The following TMEM229B variants were observed in gnomAD, a reference collection of about 807,000 sequenced individuals.
TMEM229B encodes transmembrane protein 229B.
A neutral mutation model predicts 13.7 loss-of-function variants in TMEM229B; 6 were observed. That is an observed-to-expected ratio of 0.44 (90% CI 0.24 to 0.86). TMEM229B has a LOEUF of 0.86. TMEM229B is among the 40% of genes least tolerant of loss of function. TMEM229B has a pLI of 0.23. For synonymous variants in TMEM229B, 107 were observed against 102.1 expected (o/e 1.05, Z -0.29); for missense variants, 170 against 236.0 (o/e 0.72, Z 1.83).
At chr14:67,483,505 AAGG>A (rs1427949545) in intron 2 of TMEM229B, among the ~76,000 whole-genome samples, 1 of 152,218 alleles carries the variant, frequency 6.6e-6, no homozygotes, top group Non-Finnish European at 1.5e-5. Context: ...AACAGGAAGC[AAGG>A]AGAAGGTTGT....
At position 67,473,195 on chromosome 14, in the gene TMEM229B, AC is replaced by A. The variant is rs1224458096; in HGVS notation, c.*224del. On this transcript the variant is annotated 3_prime_UTR_variant, in exon 3 of 3. Transcript: ENST00000554480. This position sits in a 1 kb window ranked among gnomAD's most constrained non-coding sequence, Gnocchi z 6.5. Reference sequence around the variant, plus strand: ...CCCTGAACTGGGCCGCGATCCATGGACCCTTCCCAATGTCCCTCTGCTGCCT... The same window carrying A: ...CCCTGAACTGGGCCGCGATCCATGGACCTTCCCAATGTCCCTCTGCTGCCT... 3.4e-6 allele frequency: 2 copies of A among 595,200 alleles called. No individual in the cohort carries two copies. The highest frequency in any genetic ancestry group is 5.8e-6 in the Non-Finnish European group (2 of 343,558). 36.9% of individuals were successfully genotyped at this position (595,200 alleles called of 1,614,324 possible). A position where few individuals can be genotyped will look rare whatever the true frequency, so the allele number is the denominator to read the frequency against.
chr14:67,496,409 T>G (rs890787893), intron 1 of TMEM229B, among the ~76,000 whole-genome samples: 1 of 133,084 alleles, frequency 7.5e-6, no homozygotes, highest in African/African-American at 2.7e-5. Context: ...TTTTTTTTTT[T>G]TTTTTTTTTT....
intron 1 of TMEM229B, among the ~76,000 whole-genome samples, chr14:67,508,767 A>AAAAAAAC (rs1260678496): frequency 6.6e-6 from 1 of 150,882 alleles, no homozygotes; most frequent in African/African-American, 2.4e-5. Flanking sequence ...AAAAAAAAAA[A>AAAAAAAC]AAAACAGAAG....
chr14:67,513,608 C>T (rs998235978), intron 1 of TMEM229B, among the ~76,000 whole-genome samples: 4 of 152,184 alleles, frequency 2.6e-5, no homozygotes, highest in Admixed American at 1.3e-4. Flanking sequence ...TCAGCACACC[C>T]CTGAGCAAAG....
chr14:67,516,294 C>T (rs1458425529), upstream of TMEM229B, among the ~76,000 whole-genome samples: 4 of 152,148 alleles, frequency 2.6e-5, no homozygotes, highest in Non-Finnish European at 2.9e-5. Flanking sequence ...CCTTTTGTCA[C>T]TAACCCATCC....
chr14:67,478,972 A>G lies in TMEM229B; in HGVS notation c.-18-5031T>C, dbSNP rs536601566. On this transcript the variant is annotated intron_variant, in intron 2 of 2. Coordinates refer to ENST00000554480, the MANE Select transcript of TMEM229B (RefSeq NM_001348543.2). ...ACTCCGATTCTGCAAAGGCATGCATATGTGCACATATACAAAAAAATTAAA... is the reference window on the plus strand; with the variant it reads ...ACTCCGATTCTGCAAAGGCATGCATGTGTGCACATATACAAAAAAATTAAA... Among the ~76,000 whole-genome samples the G allele has an allele frequency of 5.3e-5, 8 of 152,328 alleles. No individual in the cohort carries two copies. In the South Asian group the frequency reaches 1.7e-3, roughly 32 times the overall value.
intron 1 of TMEM229B, among the ~76,000 whole-genome samples, chr14:67,512,517 A>T (rs571169581): frequency 2.8e-4 from 43 of 152,210 alleles, no homozygotes; most frequent in Non-Finnish European, 5.3e-4. Context: ...CCTTGTCTGT[A>T]TATGGGAGGT....
intron 1 of TMEM229B, among the ~76,000 whole-genome samples, chr14:67,512,709 A>G (rs2033068807): frequency 6.6e-6 from 1 of 152,108 alleles, no homozygotes; most frequent in Non-Finnish European, 1.5e-5. Flanking sequence ...CAGAGTCCCC[A>G]ACATCATCGG....
chr14:67,532,534 A>G (rs2140291179), intron 1 of TMEM229B, among the ~76,000 whole-genome samples: 1 of 152,236 alleles, frequency 6.6e-6, no homozygotes, highest in Non-Finnish European at 1.5e-5. Flanking sequence ...GGGCACGCTG[A>G]TGACTGCCCT....
In TMEM229B at chr14:67,531,949, T is replaced by G. The variant is rs985495130; in HGVS notation, c.-192+1687A>C. Reference sequence around the variant, plus strand: ...AAAAAAAAGTGAATGAATGAATTAATGTCTTCTTAGCAAAATCCAGAGAAC... The same window carrying G: ...AAAAAAAAGTGAATGAATGAATTAAGGTCTTCTTAGCAAAATCCAGAGAAC... On this transcript the variant is annotated intron_variant, in intron 1 of 2. Transcript: ENST00000554278. 6.7e-5 allele frequency among the ~76,000 whole-genome samples: 10 copies of G among 149,542 alleles called. 1 individual carries two copies. The highest frequency in any genetic ancestry group is 1.3e-4 in the Non-Finnish European group (9 of 67,600).
chr14:67,507,949 A>C (rs370580382), intron 1 of TMEM229B, among the ~76,000 whole-genome samples: 1 of 152,036 alleles, frequency 6.6e-6, no homozygotes, highest in East Asian at 1.9e-4. Context: ...GACCAGCCTG[A>C]CCAACATGGA....
intron 1 of TMEM229B, among the ~76,000 whole-genome samples, chr14:67,499,469 C>T (rs2032519196): frequency 1.3e-5 from 2 of 152,022 alleles, no homozygotes. Context: ...GGTAGAAGAC[C>T]ACAGGTTATC....
At chr14:67,476,971 C>CA (rs1384597442) in intron 2 of TMEM229B, among the ~76,000 whole-genome samples, 6 of 151,920 alleles carry the variant, frequency 3.9e-5, no homozygotes, top group Non-Finnish European at 7.4e-5. Flanking sequence ...ACTAAAAATA[C>CA]AAAAAAACAA....
intron 2 of TMEM229B, among the ~76,000 whole-genome samples, chr14:67,480,377 G>A (rs920522915): frequency 6.6e-6 from 1 of 152,112 alleles, no homozygotes; most frequent in Non-Finnish European, 1.5e-5. Flanking sequence ...CAGACATCCC[G>A]GGAGACTGAA....
intron 1 of TMEM229B, among the ~76,000 whole-genome samples, chr14:67,496,401 T>TTTTTG (rs2032377314): frequency 8.0e-6 from 1 of 124,476 alleles, no homozygotes; most frequent in East Asian, 2.4e-4. Flanking sequence ...GTTTTTTTTT[T>TTTTTG]TTTTTTTTTT....
chr14:67,515,310 C>G (rs563328413), exon 1 of TMEM229B: 1 of 153,702 alleles, frequency 6.5e-6, no homozygotes, highest in Non-Finnish European at 1.4e-5. Context: ...CTGGCACTCC[C>G]GCGCCGCGCC....
intron 2 of TMEM229B, 117 bp from the exon 3 acceptor site, chr14:67,474,058 C>G: frequency 8.5e-7 from 1 of 1,178,158 alleles, no homozygotes; most frequent in East Asian, 2.6e-5. Flanking sequence ...TCCAAACCAG[C>G]CTGGCCATCA....
intron 2 of TMEM229B, among the ~76,000 whole-genome samples, chr14:67,478,508 A>C (rs747214837): frequency 6.6e-6 from 1 of 152,236 alleles, no homozygotes; most frequent in Non-Finnish European, 1.5e-5. Context: ...AGGATGAAAG[A>C]GTGTGTAGAA....
intron 2 of TMEM229B, among the ~76,000 whole-genome samples, chr14:67,478,299 C>T (rs2031354104): frequency 6.6e-6 from 1 of 152,228 alleles, no homozygotes; most frequent in South Asian, 2.1e-4. Context: ...ACCATCATCC[C>T]ACTGGCCAAG....
Sources: allele counts gnomAD v4.1 joint callset (sites outside exome capture counted in the v4.1 genomes callset), GRCh38; gene constraint gnomAD v4.1.1; non-coding constraint Gnocchi (gnomAD v3.1); transcripts MANE v1.5; gene names NCBI Gene and HGNC (gene_info 2026-07-23, HGNC 2026-07-21).